The following RYK variants were observed in gnomAD, a reference collection of about 807,000 sequenced individuals.
RYK encodes inactive tyrosine-protein kinase RYK.
In RYK, 21 loss-of-function variants were observed where a neutral mutation model predicts 70.2. That is an observed-to-expected ratio of 0.30 (90% confidence interval 0.21 to 0.43). The LOEUF is 0.43. Ranked by LOEUF, RYK falls within the 20% of genes least tolerant of loss-of-function variation. RYK has a pLI of 1.00. For synonymous variants in RYK, 267 were observed against 278.0 expected, an observed-to-expected ratio of 0.96 and a Z score of 0.39; for missense variants, 604 against 753.3, an observed-to-expected ratio of 0.80 and a Z score of 2.32.
At chr3:134,184,721 CA>C (rs1412051798) in intron 9 of RYK, among the ~76,000 whole-genome samples, 1 of 151,902 alleles carries the variant, frequency 6.6e-6, no homozygotes, top group East Asian at 1.9e-4. Flanking sequence ...GCCATGATTG[CA>C]CCACTGCACT....
chr3:134,250,667 C>T lies in RYK; in HGVS notation c.-13G>A. On this transcript the variant is annotated 5_prime_UTR_variant, in exon 1 of 15. Coordinates refer to ENST00000623711, the MANE Select transcript of RYK (RefSeq NM_002958.4). The stretch of plus-strand genomic sequence containing the variant: ...CCGCCCCACGCATGGCCGCCGCCGC[C>T]GCCGCCGAAGAGGAGCGTCGGCCGC... 1 of 981,022 alleles carries T rather than the reference C, an allele frequency of 1.0e-6. No homozygotes were observed. 60.8% of individuals were successfully genotyped at this position (981,022 alleles called of 1,614,324 possible). A position where few individuals can be genotyped will look rare whatever the true frequency, so the allele number is the denominator to read the frequency against.
At chr3:134,175,865 G>A (rs2013083041) in intron 12 of RYK, 65 bp downstream of exon 12, 2 of 1,544,994 alleles carry the variant, frequency 1.3e-6, no homozygotes, top group Non-Finnish European at 1.8e-6. Flanking sequence ...ACTGTGACTC[G>A]CAGAGAACCC....
chr3:134,241,649 A>G (rs1391818771), intron 1 of RYK, among the ~76,000 whole-genome samples: 2 of 152,206 alleles, frequency 1.3e-5, no homozygotes, highest in Non-Finnish European at 2.9e-5. Flanking sequence ...TAGGTCAAGG[A>G]ATCTGTAGTT....
intron 6 of RYK, among the ~76,000 whole-genome samples, chr3:134,195,819 G>C (rs1323360344): frequency 6.6e-6 from 1 of 152,102 alleles, no homozygotes; most frequent in East Asian, 1.9e-4. Flanking sequence ...GGTGACGCGT[G>C]CCTGTAGTCC....
intron 13 of RYK, among the ~76,000 whole-genome samples, chr3:134,173,301 A>C (rs547456456): frequency 1.3e-5 from 2 of 152,130 alleles, no homozygotes; most frequent in Non-Finnish European, 2.9e-5. Flanking sequence ...AAATTTAAAA[A>C]TTATATAAGT....
chr3:134,179,630 T>C (rs139863421), intron 10 of RYK: 13 of 152,330 alleles, frequency 8.5e-5, no homozygotes, highest in Admixed American at 3.9e-4. Context: ...CCTGGACCAC[T>C]AGACTTTCTC....
chr3:134,241,655 T>C (rs1395682268), intron 1 of RYK, among the ~76,000 whole-genome samples: 2 of 152,210 alleles, frequency 1.3e-5, no homozygotes, highest in African/African-American at 4.8e-5. Flanking sequence ...AAGGAATCTG[T>C]AGTTTGTTAA....
chr3:134,207,419 G>T, intron 5 of RYK, 53 bp downstream of exon 5: 2 of 1,167,852 alleles, frequency 1.7e-6, no homozygotes, highest in Non-Finnish European at 2.4e-6. Context: ...TTTATATGCA[G>T]TCAACCATTT....
rs1019332794 is a variant in RYK, at chr3:134,249,923, T to G, written c.232+500A>C. The stretch of plus-strand genomic sequence containing the variant: ...CTCCCCTTCTTTCTCTCTCGTTTTT[T>G]TTTTTTTTTTTTTTTTTTTTGTAAA... On this transcript the variant is annotated intron_variant, in intron 1 of 14. Transcript: ENST00000623711. Among the ~76,000 whole-genome samples the G allele has an allele frequency of 8.3e-4, 116 of 139,334 alleles. 5 individuals carry two copies. Among genetic ancestry groups the G allele is most frequent in the African/African-American group, 2.8e-3 (96 of 34,218 alleles). The allele number at this position is 139,334 out of a possible 152,430, so 91.4% of individuals were successfully genotyped here. A position where few individuals can be genotyped will look rare whatever the true frequency, so the allele number is the denominator to read the frequency against.
intron 1 of RYK, among the ~76,000 whole-genome samples, chr3:134,222,981 A>C (rs2014786001): frequency 6.6e-6 from 1 of 152,190 alleles, no homozygotes; most frequent in Admixed American, 6.5e-5. Flanking sequence ...GCCAAGCCTC[A>C]AGCCTCCAGC....
At chr3:134,235,775 T>C (rs1035287792) in intron 1 of RYK, among the ~76,000 whole-genome samples, 8 of 151,778 alleles carry the variant, frequency 5.3e-5, no homozygotes, top group African/African-American at 1.7e-4. Context: ...GTTAAGTGAG[T>C]AGTGAGAAAT....
intron 7 of RYK, among the ~76,000 whole-genome samples, chr3:134,193,313 A>C (rs2013707964): frequency 6.6e-6 from 1 of 151,886 alleles, no homozygotes; most frequent in Non-Finnish European, 1.5e-5. Flanking sequence ...CCTCCCAAGT[A>C]GCTGGGACTA....
At chr3:134,177,847 A>C (rs75157965) in intron 11 of RYK, 94 bp downstream of exon 11, 39 of 1,115,274 alleles carry the variant, frequency 3.5e-5, no homozygotes, top group South Asian at 9.4e-5. Context: ...GCAGGCCTCT[A>C]AACAGTTTAT....
intron 1 of RYK, among the ~76,000 whole-genome samples, chr3:134,246,175 A>G (rs530919173): frequency 6.6e-6 from 1 of 151,984 alleles, no homozygotes; most frequent in African/African-American, 2.4e-5. Context: ...ATTAAAATTG[A>G]GAACCATTCC....
chr3:134,192,546 T>C (rs918360703), intron 7 of RYK, among the ~76,000 whole-genome samples: 5 of 152,198 alleles, frequency 3.3e-5, no homozygotes, highest in East Asian at 1.9e-4. Flanking sequence ...AGTAAAACCA[T>C]TGTGAGATTC....
intron 6 of RYK, chr3:134,195,455 T>C (rs148901081): frequency 2.3e-4 from 72 of 311,722 alleles, no homozygotes; most frequent in African/African-American, 1.4e-3. Flanking sequence ...CCTCAGCTAA[T>C]TGTCCTAAAC....
chr3:134,195,547 AAAG>A (rs371330441), intron 6 of RYK, among the ~76,000 whole-genome samples: 22 of 152,350 alleles, frequency 1.4e-4, no homozygotes, highest in African/African-American at 3.4e-4. Context: ...GCTTTTTAGA[AAAG>A]AAGAAGAAAG....
chr3:134,236,483 T>G (rs1315614697), intron 1 of RYK, among the ~76,000 whole-genome samples: 3 of 152,138 alleles, frequency 2.0e-5, no homozygotes, highest in Non-Finnish European at 4.4e-5. Flanking sequence ...CTTAACACTG[T>G]TAATATAACA....
chr3:134,173,895 T>C (rs2013007955), intron 13 of RYK, among the ~76,000 whole-genome samples: 1 of 152,212 alleles, frequency 6.6e-6, no homozygotes, highest in Admixed American at 6.5e-5. Context: ...TCTTAGATCA[T>C]TTCAATTATT....
Sources: gnomAD v4.1 joint callset for allele counts (sites outside exome capture counted in the v4.1 genomes callset) on GRCh38, gnomAD v4.1.1 for gene constraint, MANE v1.5 for transcripts, NCBI Gene and HGNC (gene_info 2026-07-23, HGNC 2026-07-21) for gene names.